SLC9A3: variants seen among roughly 807,000 people sequenced by gnomAD.
SLC9A3 encodes sodium/hydrogen exchanger 3.
In SLC9A3, 37 loss-of-function variants were observed where a neutral mutation model predicts 86.8. That is an observed-to-expected ratio of 0.43 (90% confidence interval 0.33 to 0.56). The LOEUF is 0.56. Ranked by LOEUF, SLC9A3 falls within the 20% of genes least tolerant of loss-of-function variation. The pLI, the probability that SLC9A3 is intolerant of heterozygous loss-of-function variation, is 0.06. For missense variants in SLC9A3, 1,011 were observed against 1,171.9 expected (o/e 0.86, Z 2.00); for synonymous variants, 581 against 528.3 (o/e 1.10, Z -1.37).
In SLC9A3 at chr5:503,802, A is replaced by C. The variant is rs542676801; in HGVS notation, c.212-11731T>G. Among the ~76,000 whole-genome samples, 5 of 152,380 alleles carry C rather than the reference A, an allele frequency of 3.3e-5. No individual in the cohort carries two copies. The South Asian group carries it at 1.0e-3, about 32-fold the overall frequency. On this transcript the variant is annotated intron_variant, in intron 1 of 16. Coordinates refer to ENST00000264938, the MANE Select transcript of SLC9A3 (RefSeq NM_004174.4). ...CAATAAAGAACTTTCTTCTTGTTCC[A>C]TGAAATGGGCAAGGAAGGCGTGTCT...
intron 14 of SLC9A3, 43 bp downstream of exon 14, chr5:475,977 G>C: frequency 6.6e-7 from 1 of 1,504,430 alleles, no homozygotes; most frequent in Non-Finnish European, 9.1e-7. Context: ...GCTGGGAGGT[G>C]GTGGCTCCCA....
In SLC9A3 at chr5:500,644, GT is replaced by G. The variant is rs59831510; in HGVS notation, c.212-8574del. On this transcript the variant is annotated intron_variant, in intron 1 of 16. Coordinates refer to ENST00000264938, the MANE Select transcript of SLC9A3 (RefSeq NM_004174.4). ...TGGGGCAGGCGTGGATGGGGCTGGT[GT>G]GGACATGGGGCTAGTATGGATGGGG... 1.5e-3 allele frequency among the ~76,000 whole-genome samples: 186 copies of G among 121,998 alleles called. 5 individuals are homozygous for G. Among genetic ancestry groups the G allele is most frequent in the Middle Eastern group, 4.2e-3 (1 of 238 alleles). The allele number at this position is 121,998 out of a possible 152,430, so 80.0% of individuals were successfully genotyped here.
chr5:502,663 T>C (rs547859253), intron 1 of SLC9A3, among the ~76,000 whole-genome samples: 10 of 152,202 alleles, frequency 6.6e-5, no homozygotes, highest in Non-Finnish European at 1.2e-4. Flanking sequence ...CATAACCACT[T>C]AAAAAGGACA....
At chr5:481,684 A>G (rs1386427865) in intron 8 of SLC9A3, 49 bp from the exon 9 acceptor site, 1 of 1,483,534 alleles carries the variant, frequency 6.7e-7, no homozygotes, top group Non-Finnish European at 9.4e-7. Flanking sequence ...CAACCGGGGA[A>G]CATGAGGTGC....
chr5:509,725 A>G (rs976428594), intron 1 of SLC9A3, among the ~76,000 whole-genome samples: 3 of 152,136 alleles, frequency 2.0e-5, no homozygotes, highest in Non-Finnish European at 4.4e-5. Flanking sequence ...AAAGCATGTC[A>G]GGGAGTGAGA....
chr5:508,783 A>G (rs1740738317), intron 1 of SLC9A3, among the ~76,000 whole-genome samples: 2 of 150,926 alleles, frequency 1.3e-5, no homozygotes, highest in Non-Finnish European at 3.0e-5. Flanking sequence ...CTAAAGTTTA[A>G]AACTCAACAG....
chr5:476,095 G>T lies in SLC9A3; in HGVS notation c.2068-3C>A. On this transcript the variant is annotated splice_region_variant and splice_polypyrimidine_tract_variant and intron_variant, in intron 13 of 16. Coordinates refer to ENST00000264938, the MANE Select transcript of SLC9A3 (RefSeq NM_004174.4). ...CCATTGGGGATGCTGCTGTTTCTCT[G>T]CGGAGCAAACGTGAAGCTGCTCACA... The T allele has an allele frequency of 6.2e-7, 1 of 1,613,296 alleles. No homozygotes were observed.
rs1738437555 is a variant in SLC9A3 at position 472,770 on chromosome 5, C to T, written c.*609G>A. The T allele has an allele frequency of 1.7e-6, 1 of 586,236 alleles. No individual in the cohort carries two copies. Among genetic ancestry groups the T allele is most frequent in the South Asian group, 1.5e-5 (1 of 65,620 alleles). 36.3% of individuals were successfully genotyped at this position (586,236 alleles called of 1,614,324 possible). A position where few individuals can be genotyped will look rare whatever the true frequency, so the allele number is the denominator to read the frequency against. On this transcript the variant is annotated 3_prime_UTR_variant, in exon 17 of 17. Coordinates refer to ENST00000264938, the MANE Select transcript of SLC9A3 (RefSeq NM_004174.4). ...GCCTGCAGCCGCTGCAGGTCGGGCC[C>T]TGAGTCCTGGCGCTCGGGAGGTCCC...
chr5:488,420 C>A lies in SLC9A3; in HGVS notation c.571G>T (p.Val191Leu). The change falls in exon 3 of 17, where the codon GTG becomes TTG. Residue 191 changes from valine (V) to leucine (L), a missense_variant. Around this residue, in one of 3 missense-constraint regions of SLC9A3, gnomAD observed 565 missense variants for 790.0 expected, o/e 0.72. Transcript: ENST00000264938. ...FLLFGSLMAAVDPVAVLAVFE... is the reference protein window; with the variant it reads ...FLLFGSLMAALDPVAVLAVFE... ...ACGGCCAGGACGGCCACCGGGTCCA[C>A]AGCCGCCATGAGGCTGCCAAACAGG... is the stretch of plus-strand genomic sequence containing the variant. 1 of 1,604,274 alleles carries A rather than the reference C, an allele frequency of 6.2e-7. No individual in the cohort carries two copies. Among genetic ancestry groups the A allele is most frequent in the Non-Finnish European group, 8.5e-7 (1 of 1,175,018 alleles).
At chr5:485,998 C>G (rs906914932) in intron 3 of SLC9A3, among the ~76,000 whole-genome samples, 3 of 152,220 alleles carry the variant, frequency 2.0e-5, no homozygotes, top group African/African-American at 4.8e-5. Flanking sequence ...GCGGGGCACA[C>G]GGGGCTGTCA....
chr5:517,859 A>G (rs1347853064), intron 1 of SLC9A3, among the ~76,000 whole-genome samples: 1 of 150,096 alleles, frequency 6.7e-6, no homozygotes, highest in Non-Finnish European at 1.5e-5. Flanking sequence ...CCATCTGACC[A>G]TTCACTCATC....
chr5:519,083 C>T (rs1340732587), intron 1 of SLC9A3, among the ~76,000 whole-genome samples: 2 of 152,226 alleles, frequency 1.3e-5, no homozygotes. Flanking sequence ...AATGAAACTT[C>T]ACCCCTTCAG....
At chr5:508,614 G>T (rs930842401) in intron 1 of SLC9A3, among the ~76,000 whole-genome samples, 1 of 147,818 alleles carries the variant, frequency 6.8e-6, no homozygotes, top group East Asian at 2.0e-4. Flanking sequence ...GCAGCCCATA[G>T]CGCGCCTGGG....
At chr5:520,735 G>A (rs1733860993) in intron 1 of SLC9A3, among the ~76,000 whole-genome samples, 1 of 151,980 alleles carries the variant, frequency 6.6e-6, no homozygotes, top group South Asian at 2.1e-4. Context: ...TCTGGCTTCT[G>A]ACACCCCCGC....
Position 477,384 on chromosome 5 carries a change from CG to C in SLC9A3, c.1707del (p.Asn569LysfsTer19). 6.2e-7 allele frequency: 1 copy of C among 1,613,152 alleles called. No homozygotes were observed. The highest frequency in any genetic ancestry group is 8.5e-7 in the Non-Finnish European group (1 of 1,179,780). ...GTGGACGATCGTGGCGTGAAGTCCA[CG>C]TTGACCACGTTGTCGGTGCTGGGGG... ...IRSPSTDNVV[N>X]VDFTPRSSTV... On this transcript the variant is annotated frameshift_variant, in exon 11 of 17. Coordinates refer to ENST00000264938, the MANE Select transcript of SLC9A3 (RefSeq NM_004174.4). LOFTEE classifies it high-confidence loss of function.
At chr5:493,551 C>G (rs186213776) in intron 1 of SLC9A3, among the ~76,000 whole-genome samples, 1 of 152,234 alleles carries the variant, frequency 6.6e-6, no homozygotes, top group African/African-American at 2.4e-5. Flanking sequence ...GTTCCTTCCC[C>G]GAGGATGGTC....
In SLC9A3 at chr5:477,090, C is replaced by T. The variant is rs1009816533; in HGVS notation, c.1760+242G>A. The T allele has an allele frequency of 4.5e-5, 23 of 516,484 alleles. 1 individual carries two copies. The highest frequency in any genetic ancestry group is 2.3e-4 in the African/African-American group (12 of 52,554). The allele number at this position is 516,484 out of a possible 1,614,324, so 32.0% of individuals were successfully genotyped here. On this transcript the variant is annotated intron_variant, in intron 11 of 16. Transcript: ENST00000264938. ...GGCTGCTGCGGGCCAGGGGCAAACACGTCAGGCCTGGCCCCCAGTCCGCTG... is the reference window on the plus strand; with the variant it reads ...GGCTGCTGCGGGCCAGGGGCAAACATGTCAGGCCTGGCCCCCAGTCCGCTG...
intron 16 of SLC9A3, among the ~76,000 whole-genome samples, 176 bp downstream of exon 16, chr5:474,707 C>CGTTA (rs1278955760): frequency 1.1e-3 from 15 of 13,698 alleles, no homozygotes; most frequent in African/African-American, 1.9e-3. Context: ...AGAGAGCGAG[C>CGTTA]CAGGTTCAGG....
Position 501,558 on chromosome 5 carries a change from A to C in SLC9A3, c.212-9487T>G, listed in dbSNP as rs373511247. Among the ~76,000 whole-genome samples, 9 of 152,288 alleles carry C rather than the reference A, an allele frequency of 5.9e-5. No homozygotes were observed. In the South Asian group the frequency reaches 1.0e-3, roughly 18 times the overall value. ...CATGCAGGAACACGTGCACGCACACAGAGACTCGCAGAGACGCAGAGACGT... is the reference window on the plus strand; with the variant it reads ...CATGCAGGAACACGTGCACGCACACCGAGACTCGCAGAGACGCAGAGACGT... On this transcript the variant is annotated intron_variant, in intron 1 of 16. Coordinates refer to ENST00000264938, the MANE Select transcript of SLC9A3 (RefSeq NM_004174.4).
Sources: gnomAD v4.1 joint callset for allele counts (sites outside exome capture counted in the v4.1 genomes callset) on GRCh38, gnomAD v4.1.1 for gene constraint, gnomAD v4.1.1 regional missense constraint, MANE v1.5 for transcripts, NCBI Gene and HGNC (gene_info 2026-07-23, HGNC 2026-07-21) for gene names.